The following NPEPPS variants were observed in gnomAD, a reference collection of about 807,000 sequenced individuals.
NPEPPS encodes puromycin-sensitive aminopeptidase.
NPEPPS carries 14 observed loss-of-function variants against 115.5 expected under a neutral mutation model. The observed-to-expected ratio is 0.12, with a 90% CI of 0.08 to 0.19. The LOEUF (loss-of-function observed/expected upper bound fraction) is 0.19, where lower values mean the gene tolerates loss of function less well. NPEPPS is among the 10% of genes least tolerant of loss of function. The pLI, the probability that NPEPPS is intolerant of heterozygous loss-of-function variation, is 1.00. For missense variants in NPEPPS, 523 were observed against 1,110.8 expected, an observed-to-expected ratio of 0.47 and a Z score of 7.52; for synonymous variants, 285 against 390.6, an observed-to-expected ratio of 0.73 and a Z score of 3.19.
chr17:47,605,989 T>A (rs1790622632), intron 17 of NPEPPS, among the ~76,000 whole-genome samples: 1 of 152,208 alleles, frequency 6.6e-6, no homozygotes, highest in Admixed American at 6.5e-5. Flanking sequence ...GTGATTCTCC[T>A]GCCTTAGCCT....
intron 2 of NPEPPS, among the ~76,000 whole-genome samples, chr17:47,566,138 T>G (rs1226109147): frequency 6.6e-6 from 1 of 152,104 alleles, no homozygotes; most frequent in Non-Finnish European, 1.5e-5. Flanking sequence ...GGACCACAGG[T>G]TTGTGTCACC....
At chr17:47,564,590 A>G (rs1910673412) in intron 2 of NPEPPS, among the ~76,000 whole-genome samples, 1 of 150,832 alleles carries the variant, frequency 6.6e-6, no homozygotes, top group Non-Finnish European at 1.5e-5. Flanking sequence ...AATTATGAAT[A>G]TATTGCAAAC....
At chr17:47,540,203 C>G (rs576397713) in intron 1 of NPEPPS, among the ~76,000 whole-genome samples, 11 of 151,768 alleles carry the variant, frequency 7.2e-5, no homozygotes, top group East Asian at 5.8e-4. Flanking sequence ...TATAGGAGGC[C>G]AAGAAGACTT....
chr17:47,524,579 C>G (rs1386672200), intron 1 of NPEPPS, among the ~76,000 whole-genome samples: 2 of 151,816 alleles, frequency 1.3e-5, no homozygotes, highest in East Asian at 3.9e-4. Flanking sequence ...ACTGCAAGCT[C>G]TGCCTCCCGG....
At chr17:47,534,420 T>C (rs569866632) in intron 1 of NPEPPS, among the ~76,000 whole-genome samples, 56 of 152,284 alleles carry the variant, frequency 3.7e-4, no homozygotes, top group African/African-American at 1.2e-3. Context: ...ATGACTGATA[T>C]TGGATCAGTT....
chr17:47,543,145 C>CAAAAAAAA (rs941024934), intron 1 of NPEPPS, among the ~76,000 whole-genome samples: 1 of 53,062 alleles, frequency 1.9e-5, no homozygotes, highest in Non-Finnish European at 3.7e-5. Context: ...GACTCCATCT[C>CAAAAAAAA]AAAAAAAAAA....
At chr17:47,619,691 C>T in intron 21 of NPEPPS, 46 bp from the exon 22 acceptor site, 2 of 1,517,372 alleles carry the variant, frequency 1.3e-6, no homozygotes, top group Non-Finnish European at 9.1e-7. Flanking sequence ...GAAGTTTGTT[C>T]TCAGCCTCTT....
At chr17:47,552,655 A>T (rs1232737389) in intron 2 of NPEPPS, among the ~76,000 whole-genome samples, 1 of 152,182 alleles carries the variant, frequency 6.6e-6, no homozygotes, top group Non-Finnish European at 1.5e-5. Context: ...CCTTAAGGTG[A>T]TATGGATTGC....
chr17:47,618,950 T>C, intron 20 of NPEPPS, 59 bp from the exon 21 acceptor site: 3 of 1,525,386 alleles, frequency 2.0e-6, no homozygotes, highest in Non-Finnish European at 2.7e-6. Flanking sequence ...ATGGTGCACT[T>C]TCTGGTACCA....
chr17:47,601,829 G>T, intron 15 of NPEPPS, 82 bp downstream of exon 15: 3 of 1,357,664 alleles, frequency 2.2e-6, no homozygotes, highest in African/African-American at 1.5e-5. Context: ...CAGTTTAGTA[G>T]TTTCAAAGAA....
At chr17:47,568,417 C>G in intron 2 of NPEPPS, among the ~76,000 whole-genome samples, 1 of 152,216 alleles carries the variant, frequency 6.6e-6, no homozygotes, top group Non-Finnish European at 1.5e-5. Context: ...GTGATCCACA[C>G]GCCTCGGCCT....
intron 3 of NPEPPS, among the ~76,000 whole-genome samples, chr17:47,578,299 T>C (rs1178726011): frequency 2.0e-5 from 3 of 152,140 alleles, no homozygotes; most frequent in Non-Finnish European, 4.4e-5. Context: ...AACATTAGTA[T>C]ATAAAAGTTT....
At chr17:47,569,106 A>G (rs1245736802) in intron 2 of NPEPPS, among the ~76,000 whole-genome samples, 3 of 152,260 alleles carry the variant, frequency 2.0e-5, no homozygotes, top group East Asian at 1.9e-4. Context: ...TAAGACTGCA[A>G]TATCACAATA....
chr17:47,536,704 CTTTTTT>C (rs572115219), intron 1 of NPEPPS, among the ~76,000 whole-genome samples: 94 of 76,840 alleles, frequency 1.2e-3, no homozygotes, highest in East Asian at 2.8e-3. Flanking sequence ...TGCCTGGCTT[CTTTTTT>C]TTTTTTTTTT....
rs564936459 is a variant in NPEPPS at position 47,609,604 on chromosome 17, G to T, written c.2096-2856G>T. Among the ~76,000 whole-genome samples the T allele has an allele frequency of 4.1e-4, 62 of 152,286 alleles. No individual in the cohort carries two copies. In the South Asian group the frequency reaches 0.013, roughly 31 times the overall value. ...TTTTTGGTTAAATTATGATTTAAGT[G>T]TAGCAAAATGAATAATCTAAATGTT... On this transcript the variant is annotated intron_variant, in intron 17 of 22. Coordinates refer to ENST00000322157, the MANE Select transcript of NPEPPS (RefSeq NM_006310.4).
At chr17:47,571,958 G>A (rs373735718) in intron 3 of NPEPPS, among the ~76,000 whole-genome samples, 4 of 152,070 alleles carry the variant, frequency 2.6e-5, no homozygotes, top group African/African-American at 7.2e-5. Flanking sequence ...GCCATGAGGA[G>A]TGCTGATCAT....
At position 47,562,731 on chromosome 17, in the gene NPEPPS, TC is replaced by T. The variant is rs1241477622; in HGVS notation, c.341-6685del. Among the ~76,000 whole-genome samples the T allele has an allele frequency of 4.0e-5, 6 of 151,180 alleles. No homozygotes were observed. The Middle Eastern group carries it at 0.01, about 257-fold the overall frequency. On this transcript the variant is annotated intron_variant, in intron 2 of 22. Coordinates refer to ENST00000322157, the MANE Select transcript of NPEPPS (RefSeq NM_006310.4). ...CTTAAAACCCATTTCATCTGCTAAA[TC>T]GTCCTAGTGAAATACCAACTTTAGT...
chr17:47,543,870 AGTTTGTTT>A (rs56297702), intron 1 of NPEPPS, among the ~76,000 whole-genome samples: 82 of 145,568 alleles, frequency 5.6e-4, no homozygotes, highest in African/African-American at 1.9e-3. Flanking sequence ...CCAAGATGCT[AGTTTGTTT>A]GTTTGTTTGT....
upstream of NPEPPS, among the ~76,000 whole-genome samples, chr17:47,529,918 TTTTA>T (rs200538359): frequency 0.057 from 3,312 of 58,416 alleles, 229 homozygotes; most frequent in East Asian, 0.3. Context: ...AAACATCCCA[TTTTA>T]TTTATTTATT....
Sources: allele counts gnomAD v4.1 joint callset (sites outside exome capture counted in the v4.1 genomes callset), GRCh38; gene constraint gnomAD v4.1.1; transcripts MANE v1.5; gene names NCBI Gene and HGNC (gene_info 2026-07-23, HGNC 2026-07-21).